NDUFA9: variants seen among roughly 807,000 people sequenced by gnomAD.
NDUFA9 encodes the protein NADH:ubiquinone oxidoreductase subunit A9.
NDUFA9 carries 23 observed loss-of-function variants against 45.9 expected under a neutral mutation model. That is an observed-to-expected ratio of 0.50 (90% CI 0.36 to 0.71). The LOEUF (loss-of-function observed/expected upper bound fraction) is 0.71, where lower values mean the gene tolerates loss of function less well. Among genes scored for constraint, NDUFA9 ranks in the 30% least tolerant of loss-of-function variants. The pLI is 0.00. For missense variants in NDUFA9, 466 were observed against 488.2 expected, an observed-to-expected ratio of 0.95 and a Z score of 0.43; for synonymous variants, 176 against 170.5, an observed-to-expected ratio of 1.03 and a Z score of -0.25.
rs1946000970 is a variant in NDUFA9 at position 4,688,514 on chromosome 12, T to G, written c.*1406T>G. 1 of 151,236 alleles carries G rather than the reference T, an allele frequency of 6.6e-6. No individual in the cohort carries two copies. The highest frequency in any genetic ancestry group is 1.5e-5 in the Non-Finnish European group (1 of 67,998). The allele number at this position is 151,236 out of a possible 1,614,324, so 9.4% of individuals were successfully genotyped here. A position where few individuals can be genotyped will look rare whatever the true frequency, so the allele number is the denominator to read the frequency against. ...AAAAAAAAAGGCAGAATCCTAGGTT[T>G]TGTCCTGTCCCAGGCGTGTTGAATC... On this transcript the variant is annotated 3_prime_UTR_variant, in exon 11 of 11. Transcript: ENST00000266544.
In NDUFA9 at chr12:4,693,276, A is replaced by G. The variant is rs1274468965; in HGVS notation, c.*6168A>G. 6.6e-6 allele frequency: 1 copy of G among 152,066 alleles called. No individual in the cohort carries two copies. Among genetic ancestry groups the G allele is most frequent in the East Asian group, 1.9e-4 (1 of 5,200 alleles). 9.4% of individuals were successfully genotyped at this position (152,066 alleles called of 1,614,324 possible). On this transcript the variant is annotated 3_prime_UTR_variant, in exon 11 of 11. Coordinates refer to ENST00000266544, the MANE Select transcript of NDUFA9 (RefSeq NM_005002.5). ...TAGATGAAAACTCCATCGGACCCCA[A>G]ATTGTTCTGGTCTTGTTCAGGTAAT...
chr12:4,671,765 A>G (rs78154449), intron 8 of NDUFA9, among the ~76,000 whole-genome samples: 1 of 152,238 alleles, frequency 6.6e-6, no homozygotes, highest in African/African-American at 2.4e-5. Context: ...ATCTTTATGG[A>G]CAATTGATTT....
At chr12:4,679,575 G>A (rs1406391986) in intron 8 of NDUFA9, among the ~76,000 whole-genome samples, 3 of 152,218 alleles carry the variant, frequency 2.0e-5, no homozygotes, top group African/African-American at 7.2e-5. Flanking sequence ...TATATTGGAT[G>A]CTGCCAGGAG....
chr12:4,675,455 C>T (rs1945913866), intron 8 of NDUFA9, among the ~76,000 whole-genome samples: 1 of 151,650 alleles, frequency 6.6e-6, no homozygotes, highest in African/African-American at 2.4e-5. Context: ...CAAATAGATG[C>T]AATAAAAAAT....
At chr12:4,663,532 G>T (rs1591544948) in intron 6 of NDUFA9, among the ~76,000 whole-genome samples, 2 of 152,282 alleles carry the variant, frequency 1.3e-5, no homozygotes, top group Middle Eastern at 6.8e-3. Flanking sequence ...CTCTCCCTGT[G>T]TGCACATACT....
rs140457378 is a variant in NDUFA9, at chr12:4,656,496, C to T, written c.319-1252C>T. On this transcript the variant is annotated intron_variant, in intron 3 of 10. Transcript: ENST00000266544. ...CTGAGCACGTTTGGATGACCAAGAC[C>T]ACAGGGAACTCAGAGACTTGTATGT... is the stretch of plus-strand genomic sequence containing the variant. Among the ~76,000 whole-genome samples the T allele has an allele frequency of 2.2e-3, 333 of 152,304 alleles. 1 individual carries two copies. The highest frequency in any genetic ancestry group is 7.1e-3 in the African/African-American group (297 of 41,578).
rs1945866567 is a variant in NDUFA9, at chr12:4,668,488, T to C, written c.687T>C (p.Gly229=). 6.2e-7 allele frequency: 1 copy of C among 1,613,720 alleles called. No individual in the cohort carries two copies. The highest frequency in any genetic ancestry group is 8.5e-7 in the Non-Finnish European group (1 of 1,179,736). The change falls in exon 7 of 11, where the codon GGT becomes GGC. Residue 229 remains glycine (G), a synonymous_variant. Transcript: ENST00000266544. ...SMHRFGPIPL[G]SLGWKTVKQP... is the part of the protein sequence containing the mutation. ...ATCGGTTTGGTCCTATACCCCTTGG[T>C]TCCTTGGGCTGGAAGACAGTTAAAC...
rs1945994878 is a variant in NDUFA9 at position 4,687,460 on chromosome 12, T to A, written c.*352T>A. The A allele has an allele frequency of 6.0e-6, 1 of 166,590 alleles. No individual in the cohort carries two copies. Among genetic ancestry groups the A allele is most frequent in the East Asian group, 1.7e-4 (1 of 5,886 alleles). The allele number at this position is 166,590 out of a possible 1,614,324, so 10.3% of individuals were successfully genotyped here. ...GTAAAGACCCCAAGTGATATGTGAT[T>A]GTTTTTTAATTTCCATTAAATGAGA... On this transcript the variant is annotated 3_prime_UTR_variant, in exon 11 of 11. Transcript: ENST00000266544.
At chr12:4,662,279 CCTT>C (rs1433223535) in intron 5 of NDUFA9, among the ~76,000 whole-genome samples, 3 of 152,182 alleles carry the variant, frequency 2.0e-5, no homozygotes, top group Non-Finnish European at 1.5e-5. Flanking sequence ...TGATTTTTCT[CCTT>C]CTTCAATGTA....
intron 4 of NDUFA9, among the ~76,000 whole-genome samples, chr12:4,658,381 T>C (rs1392139804): frequency 1.3e-5 from 2 of 152,116 alleles, no homozygotes; most frequent in Non-Finnish European, 2.9e-5. Flanking sequence ...TCATCAAATA[T>C]TTTATAAATT....
At chr12:4,664,127 T>C (rs1945839623) in intron 6 of NDUFA9, among the ~76,000 whole-genome samples, 1 of 152,204 alleles carries the variant, frequency 6.6e-6, no homozygotes, top group African/African-American at 2.4e-5. Flanking sequence ...GAAGGACTTG[T>C]TAAGCAAAAA....
At chr12:4,670,454 T>C (rs1276427372) in intron 8 of NDUFA9, among the ~76,000 whole-genome samples, 1 of 152,200 alleles carries the variant, frequency 6.6e-6, no homozygotes, top group Non-Finnish European at 1.5e-5. Flanking sequence ...TTCATAACCC[T>C]GTGATTCTGT....
In NDUFA9 at chr12:4,654,690, G is replaced by C; in HGVS notation, c.221-135G>C. 4.2e-6 allele frequency: 4 copies of C among 944,488 alleles called. No individual in the cohort carries two copies. In the South Asian group the frequency reaches 7.3e-5, roughly 17 times the overall value. The allele number at this position is 944,488 out of a possible 1,614,324, so 58.5% of individuals were successfully genotyped here. A position where few individuals can be genotyped will look rare whatever the true frequency, so the allele number is the denominator to read the frequency against. Reference sequence around the variant, plus strand: ...GAAAAGCTATGGCATCTTTAGCATGGCAAAATATTCTTTTTGTCAAATATA... The same window carrying C: ...GAAAAGCTATGGCATCTTTAGCATGCCAAAATATTCTTTTTGTCAAATATA... On this transcript the variant is annotated intron_variant, in intron 2 of 10. Transcript: ENST00000266544.
Position 4,692,692 on chromosome 12 carries a change from T to C in NDUFA9, c.*5584T>C, listed in dbSNP as rs1286662125. Reference sequence around the variant, plus strand: ...CAGAGAGGGAGGGTATAACTTGTGGTGCCTAGCCCTAGAGGGAATGGAAGG... The same window carrying C: ...CAGAGAGGGAGGGTATAACTTGTGGCGCCTAGCCCTAGAGGGAATGGAAGG... On this transcript the variant is annotated 3_prime_UTR_variant, in exon 11 of 11. Transcript: ENST00000266544. 6.6e-6 allele frequency: 1 copy of C among 152,212 alleles called. No individual in the cohort carries two copies. Among genetic ancestry groups the C allele is most frequent in the East Asian group, 1.9e-4 (1 of 5,194 alleles). The allele number at this position is 152,212 out of a possible 1,614,324, so 9.4% of individuals were successfully genotyped here.
chr12:4,677,533 A>G (rs912670695), intron 8 of NDUFA9, among the ~76,000 whole-genome samples: 3 of 152,252 alleles, frequency 2.0e-5, no homozygotes, highest in African/African-American at 7.2e-5. Context: ...AGCTCAACAA[A>G]CATATGAAAA....
chr12:4,668,676 C>T (rs141843952), intron 7 of NDUFA9, 152 bp downstream of exon 7: 16 of 672,368 alleles, frequency 2.4e-5, no homozygotes, highest in Middle Eastern at 5.0e-4. Flanking sequence ...TTAAGAGGTA[C>T]ATGCCTTCTC....
intron 8 of NDUFA9, among the ~76,000 whole-genome samples, chr12:4,678,330 A>C (rs4766271): frequency 3.9e-4 from 59 of 151,948 alleles, no homozygotes; most frequent in African/African-American, 1.4e-3. Context: ...TAAATAAAAG[A>C]GTTATAAAAC....
intron 9 of NDUFA9, among the ~76,000 whole-genome samples, chr12:4,683,338 G>A (rs1945965601): frequency 6.6e-6 from 1 of 152,160 alleles, no homozygotes; most frequent in South Asian, 2.1e-4. Context: ...TGGTTAAGGA[G>A]ACTGTCACAT....
chr12:4,653,503 A>G (rs994005322), intron 1 of NDUFA9: 11 of 380,696 alleles, frequency 2.9e-5, no homozygotes, highest in Non-Finnish European at 5.0e-5. Context: ...AGATGTAAGC[A>G]TTGGTACATG....
Sources: gnomAD v4.1 joint callset for allele counts (sites outside exome capture counted in the v4.1 genomes callset) on GRCh38, gnomAD v4.1.1 for gene constraint, MANE v1.5 for transcripts, NCBI Gene and HGNC (gene_info 2026-07-23, HGNC 2026-07-21) for gene names.